Variants in IFT140 observed in about 807,000 individuals in gnomAD.
IFT140 encodes intraflagellar transport 140, also known as intraflagellar transport protein 140 homolog.
Under a neutral mutation model 164.6 loss-of-function variants are expected in IFT140, and 133 were observed. The observed-to-expected ratio is 0.81, with a 90% confidence interval of 0.70 to 0.93. The LOEUF is 0.93. Among genes scored for constraint, IFT140 ranks in the 40% least tolerant of loss-of-function variants. The probability of loss-of-function intolerance (pLI) is 0.00; values close to 1 mark genes in which losing one functional copy is unlikely to be tolerated. For synonymous variants in IFT140, 860 were observed against 817.3 expected, an observed-to-expected ratio of 1.05 and a Z score of -0.89; for missense variants, 2,045 against 1,972.3, an observed-to-expected ratio of 1.04 and a Z score of -0.70.
chr16:1,594,032 G>A (rs891129806), intron 4 of IFT140, among the ~76,000 whole-genome samples: 5 of 152,118 alleles, frequency 3.3e-5, no homozygotes, highest in South Asian at 2.1e-4. Flanking sequence ...GGGTGGACAC[G>A]TGGGTATTTA....
chr16:1,568,364 C>T lies in IFT140; in HGVS notation c.1653-30G>A, dbSNP rs368226395. 10 of 1,545,066 alleles carry T rather than the reference C, an allele frequency of 6.5e-6. No individual in the cohort carries two copies. In the African/African-American group the frequency reaches 6.8e-5, roughly 11 times the overall value. The stretch of plus-strand genomic sequence containing the variant: ...AGGGAGGAAGAGGGACCTCAGTGCC[C>T]GCCAGAGGCCCAGTTCCCAATTCTC... On this transcript the variant is annotated intron_variant, in intron 14 of 30. Transcript: ENST00000426508.
Position 1,584,276 on chromosome 16 carries a change from T to C in IFT140, c.1300A>G (p.Thr434Ala). 1.2e-6 allele frequency: 2 copies of C among 1,613,838 alleles called. No homozygotes were observed. Among genetic ancestry groups the C allele is most frequent in the East Asian group, 2.2e-5 (1 of 44,878 alleles). The change falls in exon 11 of 31, where the codon ACG (threonine) becomes GCG (alanine). Residue 434 changes from threonine to alanine, a missense_variant. Transcript: ENST00000426508. ...PSLLNVCFLS[T>A]GVAHSLRTDM... is the part of the protein sequence containing the mutation. ...GTGCGCAGGCTGTGTGCGACCCCCG[T>C]GGACAGGAAGCACACATTCAGCAGA...
chr16:1,520,030 G>T lies in IFT140; in HGVS notation c.3891C>A (p.Tyr1297Ter), dbSNP rs562033874. 7.5e-6 allele frequency: 12 copies of T among 1,601,048 alleles called. No individual in the cohort carries two copies. The South Asian group carries it at 1.3e-4, about 18-fold the overall frequency. ...DACAQVEIDE[Y>*]QNYDKAHGAL... ...CCCCGTGGGCTTTGTCGTAGTTCTG[G>T]TATTCATCAATCTCCACCTGTACAG... Residue 1297 changes from tyrosine (Y) to a stop codon, truncating the protein, a stop_gained, in exon 29 of 31, where the codon TAC becomes TAA. Coordinates refer to ENST00000426508, the MANE Select transcript of IFT140 (RefSeq NM_014714.4). LOFTEE classifies it high-confidence loss of function.
chr16:1,611,493 A>G (rs1437550752), intron 1 of IFT140, among the ~76,000 whole-genome samples: 1 of 137,596 alleles, frequency 7.3e-6, no homozygotes, highest in South Asian at 2.3e-4. Flanking sequence ...AGCGAGTCAA[A>G]AAAAAAAAAA....
At chr16:1,538,965 C>T (rs962571709) in intron 19 of IFT140, among the ~76,000 whole-genome samples, 5 of 152,218 alleles carry the variant, frequency 3.3e-5, no homozygotes, top group African/African-American at 1.2e-4. Context: ...AGGGCAAAAG[C>T]GCCCCCTACC....
intron 15 of IFT140, among the ~76,000 whole-genome samples, chr16:1,567,262 C>G (rs572967576): frequency 6.6e-6 from 1 of 152,300 alleles, no homozygotes; most frequent in African/African-American, 2.4e-5. Context: ...AGAAAGAACC[C>G]TCTAGAAAGA....
intron 14 of IFT140, among the ~76,000 whole-genome samples, chr16:1,570,406 T>C (rs911170323): frequency 6.6e-6 from 1 of 152,204 alleles, no homozygotes; most frequent in Non-Finnish European, 1.5e-5. Flanking sequence ...CCAGGGCCTA[T>C]TCTAGTCCCT....
intron 29 of IFT140, among the ~76,000 whole-genome samples, chr16:1,519,201 C>T (rs3784819): frequency 0.047 from 7,209 of 152,308 alleles, 440 homozygotes; most frequent in East Asian, 0.18. Flanking sequence ...CCGCTTTGTA[C>T]GACCTTGTTC....
At position 1,511,145 on chromosome 16, in the gene IFT140, G is replaced by A. The variant is rs1222068907; in HGVS notation, c.4188C>T (p.Tyr1396=). The A allele has an allele frequency of 5.6e-6, 9 of 1,604,642 alleles. No individual in the cohort carries two copies. Among genetic ancestry groups the A allele is most frequent in the Admixed American group, 3.4e-5 (2 of 58,514 alleles). The change falls in exon 31 of 31, where the codon TAC becomes TAT. Residue 1396 remains tyrosine, a synonymous_variant. Coordinates refer to ENST00000426508, the MANE Select transcript of IFT140 (RefSeq NM_014714.4). Reference sequence around the variant, plus strand: ...GCCGCCGCATCTCCTCCAGGAATCTGTAGGCCTGGGGCAGAGGAGCAGACA... The same window carrying A: ...GCCGCCGCATCTCCTCCAGGAATCTATAGGCCTGGGGCAGAGGAGCAGACA... ...YVRKEEYQTA[Y]RFLEEMRRRL...
chr16:1,578,913 T>G (rs1295623260), intron 13 of IFT140, among the ~76,000 whole-genome samples: 1 of 152,142 alleles, frequency 6.6e-6, no homozygotes, highest in Non-Finnish European at 1.5e-5. Context: ...GGTCTCAATA[T>G]GCGGCCCAGG....
intron 7 of IFT140, 78 bp from the exon 8 acceptor site, chr16:1,588,102 T>A: frequency 5.2e-6 from 6 of 1,144,248 alleles, no homozygotes; most frequent in Non-Finnish European, 7.7e-6. Flanking sequence ...CTGGAGTCTC[T>A]GGTCCTCAGT....
chr16:1,530,383 G>T (rs965931902), intron 19 of IFT140, among the ~76,000 whole-genome samples: 1 of 151,830 alleles, frequency 6.6e-6, no homozygotes, highest in African/African-American at 2.4e-5. Flanking sequence ...TGCTCGCCTC[G>T]GTCTCCCAAA....
intron 8 of IFT140, 27 bp downstream of exon 8, chr16:1,587,906 A>G (rs747164688): frequency 1.9e-6 from 3 of 1,570,516 alleles, no homozygotes; most frequent in East Asian, 4.5e-5. Context: ...ACTCTCATCA[A>G]GGGGCACTGG....
intron 30 of IFT140, among the ~76,000 whole-genome samples, chr16:1,517,833 C>G (rs889756292): frequency 3.3e-5 from 5 of 152,046 alleles, no homozygotes; most frequent in African/African-American, 1.2e-4. Flanking sequence ...CTTTTTGCTA[C>G]CGACAGATTT....
intron 15 of IFT140, among the ~76,000 whole-genome samples, chr16:1,567,610 G>A (rs960733737): frequency 5.9e-5 from 9 of 152,240 alleles, no homozygotes; most frequent in Admixed American, 3.3e-4. Flanking sequence ...CTCTGTGTCC[G>A]TGGTGCCTAG....
chr16:1,522,395 C>T lies in IFT140; in HGVS notation c.3453+1123G>A, dbSNP rs183267329. The stretch of plus-strand genomic sequence containing the variant: ...AAATAAAAATACAAAATTAGCCGGG[C>T]GTGGTGGTGCATGCCTGTAATCCCA... On this transcript the variant is annotated intron_variant, in intron 26 of 30. Transcript: ENST00000426508. Among the ~76,000 whole-genome samples the T allele has an allele frequency of 2.8e-3, 433 of 151,936 alleles. 2 individuals carry two copies. The highest frequency in any genetic ancestry group is 9.4e-3 in the South Asian group (45 of 4,796).
chr16:1,523,995 T>C (rs1201824375), intron 24 of IFT140, 39 bp from the exon 25 acceptor site: 1 of 1,598,412 alleles, frequency 6.3e-7, no homozygotes, highest in Non-Finnish European at 8.5e-7. Flanking sequence ...CGGCTCCCAC[T>C]GGCTTCCCCA....
At chr16:1,536,050 C>T (rs1300638396) in intron 19 of IFT140, among the ~76,000 whole-genome samples, 1 of 152,226 alleles carries the variant, frequency 6.6e-6, no homozygotes, top group Non-Finnish European at 1.5e-5. Context: ...GCCGGGCGCT[C>T]ATGTGCTTTG....
intron 27 of IFT140, 80 bp from the exon 28 acceptor site, chr16:1,520,423 ACAAGAAGAGTG>A: frequency 6.7e-7 from 1 of 1,494,768 alleles, no homozygotes; most frequent in Non-Finnish European, 9.3e-7. Context: ...AGGAGCTCTC[ACAAGAAGAGTG>A]GCTCAGGGCT....
Sources: allele counts gnomAD v4.1 joint callset (sites outside exome capture counted in the v4.1 genomes callset), GRCh38; gene constraint gnomAD v4.1.1; transcripts MANE v1.5; gene names NCBI Gene and HGNC (gene_info 2026-07-23, HGNC 2026-07-21).